The following SMYD3 variants were observed in gnomAD, a reference collection of about 807,000 sequenced individuals.
SMYD3 encodes the protein SET and MYND domain containing 3, also known as histone-lysine N-methyltransferase SMYD3.
In SMYD3, 36 loss-of-function variants were observed where a neutral mutation model predicts 57.7. That is an observed-to-expected ratio of 0.62 (90% CI 0.48 to 0.82). The LOEUF (loss-of-function observed/expected upper bound fraction) is 0.82, where lower values mean the gene tolerates loss of function less well. SMYD3 is among the 40% of genes least tolerant of loss of function. SMYD3 has a pLI of 0.00. For missense variants in SMYD3, 515 were observed against 538.8 expected (o/e 0.96, Z 0.44); for synonymous variants, 211 against 195.0 (o/e 1.08, Z -0.68).
intron 5 of SMYD3, among the ~76,000 whole-genome samples, chr1:245,978,752 G>T (rs1463995171): frequency 6.6e-6 from 1 of 152,026 alleles, no homozygotes; most frequent in Non-Finnish European, 1.5e-5. Context: ...TACCTGTGCT[G>T]GCCTTTCCGC....
At chr1:246,046,858 C>A (rs1024572735) in intron 5 of SMYD3, among the ~76,000 whole-genome samples, 1 of 151,040 alleles carries the variant, frequency 6.6e-6, no homozygotes, top group African/African-American at 2.4e-5. Context: ...TTCTCTGTAC[C>A]AGAGATAAAC....
intron 10 of SMYD3, among the ~76,000 whole-genome samples, chr1:245,793,726 G>T (rs895904143): frequency 1.3e-5 from 2 of 151,568 alleles, no homozygotes; most frequent in African/African-American, 4.9e-5. Flanking sequence ...GCTATTTTCT[G>T]CAGGGACCAA....
At chr1:245,985,726 A>G (rs2148089875) in intron 5 of SMYD3, among the ~76,000 whole-genome samples, 1 of 152,340 alleles carries the variant, frequency 6.6e-6, no homozygotes, top group East Asian at 1.9e-4. Context: ...CTAGTTAATG[A>G]TATCTTTGAA....
At chr1:246,209,731 T>C (rs2063058680) in intron 5 of SMYD3, among the ~76,000 whole-genome samples, 1 of 152,168 alleles carries the variant, frequency 6.6e-6, no homozygotes, top group Non-Finnish European at 1.5e-5. Context: ...TATACTTGCA[T>C]TTCTTGCTCT....
chr1:245,871,018 T>C (rs2148515861), intron 8 of SMYD3, among the ~76,000 whole-genome samples: 1 of 152,316 alleles, frequency 6.6e-6, no homozygotes, highest in East Asian at 1.9e-4. Context: ...CCAGTACTCA[T>C]GCAAACTCTA....
chr1:246,022,156 C>T (rs1278390358), intron 5 of SMYD3, among the ~76,000 whole-genome samples: 1 of 152,200 alleles, frequency 6.6e-6, no homozygotes, highest in Admixed American at 6.5e-5. Context: ...CATTGCTGTA[C>T]TTAAGACATC....
Position 245,973,677 on chromosome 1 carries a change from A to ACACTG in SMYD3, c.532-43745_532-43741dup, listed in dbSNP as rs568718331. 1.8e-4 allele frequency among the ~76,000 whole-genome samples: 28 copies of ACACTG among 152,312 alleles called. No individual in the cohort carries two copies. The East Asian group carries it at 5.4e-3, about 29-fold the overall frequency. Reference sequence around the variant, plus strand: ...ACCCATCAGTTGCTCTTGTAACCAGACACTGTCCAAGGAGCATCAGACCAT... The same window carrying ACACTG: ...ACCCATCAGTTGCTCTTGTAACCAGACACTGCACTGTCCAAGGAGCATCAGACCAT... On this transcript the variant is annotated intron_variant, in intron 5 of 11. Coordinates refer to ENST00000490107, the MANE Select transcript of SMYD3 (RefSeq NM_001167740.2).
At chr1:245,872,626 C>T (rs1325207078) in intron 8 of SMYD3, among the ~76,000 whole-genome samples, 1 of 152,256 alleles carries the variant, frequency 6.6e-6, no homozygotes, top group Non-Finnish European at 1.5e-5. Flanking sequence ...AGTCATCAAA[C>T]AGCTGAAGCC....
intron 5 of SMYD3, among the ~76,000 whole-genome samples, chr1:246,051,829 G>A (rs1298761088): frequency 6.6e-6 from 1 of 152,136 alleles, no homozygotes; most frequent in Non-Finnish European, 1.5e-5. Context: ...TAATCATGCT[G>A]AAACTGTATG....
Position 246,232,052 on chromosome 1 carries a change from G to A in SMYD3, c.531+95149C>T, listed in dbSNP as rs189431319. On this transcript the variant is annotated intron_variant, in intron 5 of 11. Transcript: ENST00000490107. ...TTATTGCAGCACTTTGATCCTTTCC[G>A]AGTCTAACTTAAAAGCCATAGTTTT... Among the ~76,000 whole-genome samples, 7 of 152,210 alleles carry A rather than the reference G, an allele frequency of 4.6e-5. No individual in the cohort carries two copies. In the East Asian group the frequency reaches 9.6e-4, roughly 21 times the overall value.
At chr1:246,090,677 C>T (rs1490298728) in intron 5 of SMYD3, among the ~76,000 whole-genome samples, 4 of 151,984 alleles carry the variant, frequency 2.6e-5, no homozygotes, top group African/African-American at 9.7e-5. Flanking sequence ...CCCACCACAT[C>T]TGGCTAATTT....
chr1:245,840,395 T>C (rs1254347544), intron 10 of SMYD3, among the ~76,000 whole-genome samples: 2 of 152,270 alleles, frequency 1.3e-5, no homozygotes, highest in African/African-American at 2.4e-5. Context: ...GAAATTTTCA[T>C]TGAAAATTAT....
intron 1 of SMYD3, among the ~76,000 whole-genome samples, chr1:246,374,701 G>C (rs950335118): frequency 6.6e-6 from 1 of 152,232 alleles, no homozygotes; most frequent in Admixed American, 6.5e-5. Flanking sequence ...GCCGGGCATA[G>C]TGGCTCATGC....
At chr1:245,960,425 C>A (rs1348520610) in intron 5 of SMYD3, among the ~76,000 whole-genome samples, 1 of 152,156 alleles carries the variant, frequency 6.6e-6, no homozygotes, top group Non-Finnish European at 1.5e-5. Flanking sequence ...TGAAAACCAA[C>A]TGATAGATTG....
chr1:245,869,561 T>C (rs2052062661), intron 8 of SMYD3, among the ~76,000 whole-genome samples: 1 of 152,150 alleles, frequency 6.6e-6, no homozygotes, highest in Non-Finnish European at 1.5e-5. Flanking sequence ...TTTTAAACAG[T>C]ACAATCGTAG....
chr1:246,499,144 T>C (rs1393275832), intron 1 of SMYD3, among the ~76,000 whole-genome samples: 1 of 151,518 alleles, frequency 6.6e-6, no homozygotes, highest in Non-Finnish European at 1.5e-5. Context: ...GCAATTCTCA[T>C]TAAATTTTCG....
At chr1:245,896,842 G>C (rs2053841721) in intron 8 of SMYD3, among the ~76,000 whole-genome samples, 2 of 152,162 alleles carry the variant, frequency 1.3e-5, no homozygotes, top group African/African-American at 4.8e-5. Flanking sequence ...TTGAACTGGA[G>C]GCTGAGGGGC....
chr1:245,993,203 A>G (rs1281954480), intron 5 of SMYD3, among the ~76,000 whole-genome samples: 1 of 152,148 alleles, frequency 6.6e-6, no homozygotes, highest in African/African-American at 2.4e-5. Context: ...GGTGGTTACA[A>G]TGTTCACTGC....
intron 11 of SMYD3, among the ~76,000 whole-genome samples, chr1:245,753,660 G>A (rs980781340): frequency 1.3e-5 from 2 of 152,120 alleles, no homozygotes; most frequent in Non-Finnish European, 2.9e-5. Context: ...TGTACGGAGA[G>A]GGCCCTGTGT....
Sources: gnomAD v4.1 joint callset for allele counts (sites outside exome capture counted in the v4.1 genomes callset) on GRCh38, gnomAD v4.1.1 for gene constraint, MANE v1.5 for transcripts, NCBI Gene and HGNC (gene_info 2026-07-23, HGNC 2026-07-21) for gene names.